PHF10: variants seen among roughly 807,000 people sequenced by gnomAD.
The protein encoded by PHF10 is PHD finger protein 10.
In PHF10, 51 loss-of-function variants were observed where a neutral mutation model predicts 68.5. The ratio of observed to expected loss-of-function variants is 0.74; its 90% CI spans 0.59 to 0.94. PHF10 has a LOEUF of 0.94. Ranked by LOEUF, PHF10 falls within the 40% of genes least tolerant of loss-of-function variation. PHF10 has a pLI of 0.00. For missense variants in PHF10, 460 were observed against 602.6 expected (o/e 0.76, Z 2.48); for synonymous variants, 204 against 203.5 (o/e 1.00, Z -0.02).
intron 2 of PHF10, 88 bp downstream of exon 2, chr6:169,720,917 C>T (rs1789160993): frequency 3.0e-6 from 2 of 674,036 alleles, no homozygotes; most frequent in Admixed American, 2.7e-5. Context: ...TAATAATTGC[C>T]TTTGCCAGAG....
chr6:169,723,023 A>G (rs994635382), intron 1 of PHF10, among the ~76,000 whole-genome samples: 1 of 152,210 alleles, frequency 6.6e-6, no homozygotes, highest in Non-Finnish European at 1.5e-5. Context: ...CGCAACGGGA[A>G]AAGCTCCCAA....
chr6:169,714,844 T>TGCA lies in PHF10; in HGVS notation c.694-3_694-2insTGC. The stretch of plus-strand genomic sequence containing the variant: ...CTTCCCTTGAGGTACCTGGATAACC[T>TGCA]ACGTTAACATAAAGAGAAACACAAA... On this transcript the variant is annotated splice_region_variant and splice_polypyrimidine_tract_variant and intron_variant, in intron 6 of 11. Transcript: ENST00000339209. 1 of 1,406,910 alleles carries TGCA rather than the reference T, an allele frequency of 7.1e-7. No homozygotes were observed. Among genetic ancestry groups the TGCA allele is most frequent in the Non-Finnish European group, 1.0e-6 (1 of 990,932 alleles). The allele number at this position is 1,406,910 out of a possible 1,614,324, so 87.2% of individuals were successfully genotyped here.
intron 4 of PHF10, among the ~76,000 whole-genome samples, chr6:169,717,198 A>G (rs920971191): frequency 2.5e-4 from 38 of 152,272 alleles, no homozygotes; most frequent in South Asian, 2.1e-4. Context: ...GCAGTGAGCT[A>G]AGATCGCGCC....
chr6:169,713,493 G>A (rs886394105), intron 7 of PHF10, among the ~76,000 whole-genome samples: 5 of 151,624 alleles, frequency 3.3e-5, no homozygotes, highest in African/African-American at 4.8e-5. Context: ...CCAGCTACTC[G>A]GGAAGCTGAA....
chr6:169,705,917 T>C (rs1461930538), intron 9 of PHF10, among the ~76,000 whole-genome samples, 193 bp from the exon 10 acceptor site: 1 of 152,202 alleles, frequency 6.6e-6, no homozygotes, highest in Non-Finnish European at 1.5e-5. Context: ...AATTTCATCA[T>C]AAAATTTGGT....
At chr6:169,705,817 T>C in intron 9 of PHF10, 93 bp from the exon 10 acceptor site, 1 of 738,196 alleles carries the variant, frequency 1.4e-6, no homozygotes. Flanking sequence ...TATTTTTACT[T>C]TTGGTAACTT....
intron 8 of PHF10, among the ~76,000 whole-genome samples, chr6:169,710,839 GAA>G (rs569646661): frequency 3.7e-5 from 5 of 133,966 alleles, no homozygotes; most frequent in East Asian, 4.3e-4. Context: ...CTGCAGTTAG[GAA>G]AAAAAAAAAA....
intron 4 of PHF10, among the ~76,000 whole-genome samples, chr6:169,716,786 A>C (rs1457646347): frequency 6.6e-6 from 1 of 152,162 alleles, no homozygotes; most frequent in Non-Finnish European, 1.5e-5. Context: ...AGACATGATC[A>C]CAGCACACTA....
rs776711267 is a variant in PHF10, at chr6:169,718,846, CAT to C, written c.265_266del (p.Met89AlafsTer7). 1 of 1,597,874 alleles carries C rather than the reference CAT, an allele frequency of 6.3e-7. No individual in the cohort carries two copies. The highest frequency in any genetic ancestry group is 1.7e-5 in the Admixed American group (1 of 59,988). ...WPPDETGEYYMLQEQVSEYLG... is the reference protein window; with the variant it reads ...WPPDETGEYYXLQEQVSEYLG... ...AATATTCACTGACTTGTTCTTGAAG[CAT>C]ATAGTATTCTCCTGTTTCATCAGGT... is the stretch of plus-strand genomic sequence containing the variant. On this transcript the variant is annotated frameshift_variant, in exon 3 of 12. Coordinates refer to ENST00000339209, the MANE Select transcript of PHF10 (RefSeq NM_018288.4). LOFTEE classifies it high-confidence loss of function.
chr6:169,709,456 T>C (rs1788879633), intron 9 of PHF10: 1 of 152,194 alleles, frequency 6.6e-6, no homozygotes, highest in African/African-American at 2.4e-5. Flanking sequence ...AATTCTTCCT[T>C]TTATGATATT....
chr6:169,706,302 ACTT>A (rs1788782167), intron 9 of PHF10, among the ~76,000 whole-genome samples: 1 of 149,298 alleles, frequency 6.7e-6, no homozygotes, highest in Admixed American at 6.7e-5. Context: ...TTTGTGGAAA[ACTT>A]AGTTGTGTGA....
intron 9 of PHF10, among the ~76,000 whole-genome samples, chr6:169,706,011 A>G (rs1788773907): frequency 1.3e-5 from 2 of 152,230 alleles, no homozygotes; most frequent in Admixed American, 1.3e-4. Context: ...ATGGAAGGAA[A>G]GACTAAATAC....
intron 9 of PHF10, chr6:169,708,198 T>C (rs1788849388): frequency 6.6e-6 from 1 of 152,222 alleles, no homozygotes. Flanking sequence ...ACACTTACTT[T>C]TCTACTTGAA....
chr6:169,723,565 TAGG>T (rs1323062623), intron 1 of PHF10, among the ~76,000 whole-genome samples: 3 of 151,972 alleles, frequency 2.0e-5, no homozygotes, highest in Admixed American at 6.5e-5. Context: ...ACGGCTGGCC[TAGG>T]AGGAGGCGTT....
At chr6:169,721,833 A>G (rs1216624904) in intron 1 of PHF10, among the ~76,000 whole-genome samples, 1 of 152,242 alleles carries the variant, frequency 6.6e-6, no homozygotes, top group African/African-American at 2.4e-5. Flanking sequence ...AAAAATCATA[A>G]TTTTTTAATG....
intron 8 of PHF10, among the ~76,000 whole-genome samples, chr6:169,711,924 T>C (rs1788933492): frequency 6.6e-6 from 1 of 152,140 alleles, no homozygotes; most frequent in East Asian, 1.9e-4. Flanking sequence ...GTCTTGCAGG[T>C]GCATTTTGCT....
rs1461015599 is a variant in PHF10, at chr6:169,704,101, T to C, written c.1412-13A>G. On this transcript the variant is annotated splice_polypyrimidine_tract_variant and intron_variant, in intron 11 of 11. Transcript: ENST00000339209. ...CAAATCCAGCGACCTAGGAAAAAAA[T>C]TGTTAATATAGAATGAAAAATTATC... 2 of 1,570,254 alleles carry C rather than the reference T, an allele frequency of 1.3e-6. No homozygotes were observed. The highest frequency in any genetic ancestry group is 1.4e-5 in the African/African-American group (1 of 72,120).
chr6:169,708,004 T>C (rs1788844195), intron 9 of PHF10: 1 of 152,100 alleles, frequency 6.6e-6, no homozygotes, highest in Non-Finnish European at 1.5e-5. Context: ...GATTGCACAG[T>C]TGAGGGAGGG....
At chr6:169,721,226 T>A in intron 1 of PHF10, 115 bp from the exon 2 acceptor site, 1 of 600,888 alleles carries the variant, frequency 1.7e-6, no homozygotes, top group East Asian at 2.8e-5. Flanking sequence ...TAACTTCATA[T>A]TATAATTAAA....
Sources: allele counts gnomAD v4.1 joint callset (sites outside exome capture counted in the v4.1 genomes callset), GRCh38; gene constraint gnomAD v4.1.1; transcripts MANE v1.5; gene names NCBI Gene and HGNC (gene_info 2026-07-23, HGNC 2026-07-21).